TPPP: variants seen among roughly 807,000 people sequenced by gnomAD.
TPPP encodes tubulin polymerization-promoting protein.
TPPP carries 6 observed loss-of-function variants against 15.5 expected under a neutral mutation model. The ratio of observed to expected loss-of-function variants is 0.39; its 90% CI spans 0.21 to 0.77. The LOEUF is 0.77. Among genes scored for constraint, TPPP ranks in the 30% least tolerant of loss-of-function variants. The pLI, the probability that TPPP is intolerant of heterozygous loss-of-function variation, is 0.42. For synonymous variants in TPPP, 146 were observed against 133.9 expected (o/e 1.09, Z -0.63); for missense variants, 269 against 307.2 (o/e 0.88, Z 0.93).
At chr5:700,654 T>C in the TPPP span, among the ~76,000 whole-genome samples, 116,740 of 151,502 alleles carry the variant, frequency 0.77, 44,503 homozygotes, top group African/African-American at 0.93. Context: ...CCTGCATCCC[T>C]GAATAAGGTT....
In TPPP at chr5:677,744, A is replaced by G; in HGVS notation, c.311+6T>C. On this transcript the variant is annotated splice_donor_region_variant and intron_variant, in intron 2 of 3. Coordinates refer to ENST00000360578, the MANE Select transcript of TPPP (RefSeq NM_007030.3). The stretch of plus-strand genomic sequence containing the variant: ...GTCCCTCGGCCCGTGAGCCCAGCGC[A>G]CTCACTTGATCTTGCTGAAGACGAT... 1 of 1,548,430 alleles carries G rather than the reference A, an allele frequency of 6.5e-7. No homozygotes were observed. Among genetic ancestry groups the G allele is most frequent in the Non-Finnish European group, 8.7e-7 (1 of 1,145,390 alleles).
At position 683,681 on chromosome 5, in the gene TPPP, G is replaced by A. The variant is rs537676177; in HGVS notation, c.-4-5617C>T. Among the ~76,000 whole-genome samples the A allele has an allele frequency of 5.1e-4, 77 of 152,372 alleles. 1 individual carries two copies. The highest frequency in any genetic ancestry group is 1.6e-3 in the African/African-American group (68 of 41,596). On this transcript the variant is annotated intron_variant, in intron 1 of 3. Transcript: ENST00000360578. Reference sequence around the variant, plus strand: ...CCCTCAGGGCACTGGCATCCAGGGAGCTGTGAAGGGCACGCTGTGTTGCAA... The same window carrying A: ...CCCTCAGGGCACTGGCATCCAGGGAACTGTGAAGGGCACGCTGTGTTGCAA...
chr5:699,225 T>C, the TPPP span, among the ~76,000 whole-genome samples: 2 of 152,076 alleles, frequency 1.3e-5, no homozygotes, highest in Admixed American at 1.3e-4. Context: ...TCACATTACC[T>C]GACTTCAAAT....
chr5:694,168 C>T (rs1367114948), upstream of TPPP, among the ~76,000 whole-genome samples: 3 of 151,102 alleles, frequency 2.0e-5, no homozygotes, highest in Admixed American at 2.0e-4. Flanking sequence ...GCTCCCCAGA[C>T]AGGCTTTGCG....
At position 665,216 on chromosome 5, in the gene TPPP, G is replaced by A. The variant is rs1739845479; in HGVS notation, c.546C>T (p.Pro182=). The change falls in exon 4 of 4, where the codon CCC becomes CCT. Residue 182 remains proline, a synonymous_variant. Coordinates refer to ENST00000360578, the MANE Select transcript of TPPP (RefSeq NM_007030.3). ...FTGSHKERFD[P]SGKGKGKAGR... is the part of the protein sequence containing the mutation. Reference sequence around the variant, plus strand: ...CAGCCTTGCCCTTGCCCTTGCCAGAGGGGTCGAAGCGCTCCTTGTGGGAGC... The same window carrying A: ...CAGCCTTGCCCTTGCCCTTGCCAGAAGGGTCGAAGCGCTCCTTGTGGGAGC... 6.2e-7 allele frequency: 1 copy of A among 1,613,794 alleles called. No homozygotes were observed. Among genetic ancestry groups the A allele is most frequent in the Non-Finnish European group, 8.5e-7 (1 of 1,179,980 alleles).
intron 2 of TPPP, among the ~76,000 whole-genome samples, chr5:670,173 G>A (rs997871842): frequency 5.3e-5 from 8 of 152,278 alleles, no homozygotes; most frequent in East Asian, 1.9e-4. Context: ...ACAGCCCTCC[G>A]AGGACTGAGG....
At chr5:697,963 G>A (rs1741044576), upstream of TPPP, among the ~76,000 whole-genome samples, 1 of 143,838 alleles carries the variant, frequency 7.0e-6, no homozygotes, top group African/African-American at 2.6e-5. Context: ...GAACCCAACA[G>A]CACATCAAAA....
intron 2 of TPPP, among the ~76,000 whole-genome samples, chr5:669,800 G>A (rs540342426): frequency 2.9e-4 from 44 of 152,150 alleles, no homozygotes; most frequent in South Asian, 1.9e-3. Context: ...CAGGAGACCC[G>A]GGTGCCCCCC....
At chr5:683,478 T>C (rs564866129) in intron 1 of TPPP, among the ~76,000 whole-genome samples, 1 of 152,332 alleles carries the variant, frequency 6.6e-6, no homozygotes, top group East Asian at 1.9e-4. Context: ...CCTGGAGAAC[T>C]CCCTGTTCAG....
At chr5:687,273 C>T (rs1740791420) in intron 1 of TPPP, among the ~76,000 whole-genome samples, 1 of 139,382 alleles carries the variant, frequency 7.2e-6, no homozygotes, top group Non-Finnish European at 1.6e-5. Flanking sequence ...TGTCAATTGT[C>T]AGAAGCCTCT....
chr5:670,692 C>T (rs1342337816), intron 2 of TPPP, among the ~76,000 whole-genome samples: 2 of 152,172 alleles, frequency 1.3e-5, no homozygotes, highest in Non-Finnish European at 2.9e-5. Flanking sequence ...GGTCCCGTTC[C>T]AGCAGGACCC....
rs76794792 is a variant in TPPP, at chr5:668,219, A to G, written c.312-2096T>C. ...GTCAGGGAAGTACCGACAAGCACAC[A>G]GAGAGGGGGCCGTGTGGGCGCCGTC... On this transcript the variant is annotated intron_variant, in intron 2 of 3. Transcript: ENST00000360578. Among the ~76,000 whole-genome samples the G allele has an allele frequency of 3.7e-3, 168 of 45,774 alleles. 4 individuals carry two copies. The highest frequency in any genetic ancestry group is 0.013 in the African/African-American group (134 of 10,526). 30.0% of individuals were successfully genotyped at this position (45,774 alleles called of 152,430 possible). A position where few individuals can be genotyped will look rare whatever the true frequency, so the allele number is the denominator to read the frequency against.
At chr5:700,280 A>G in the TPPP span, among the ~76,000 whole-genome samples, 1 of 152,150 alleles carries the variant, frequency 6.6e-6, no homozygotes, top group African/African-American at 2.4e-5. Context: ...GAATGAAATC[A>G]TATCTTTTGA....
chr5:679,566 T>G (rs1740565723), intron 1 of TPPP, among the ~76,000 whole-genome samples: 1 of 152,094 alleles, frequency 6.6e-6, no homozygotes, highest in Non-Finnish European at 1.5e-5. Flanking sequence ...CCTGGGCCTC[T>G]GCAGCAGGGG....
intron 1 of TPPP, among the ~76,000 whole-genome samples, chr5:683,295 A>T (rs796797301): frequency 1.8e-4 from 11 of 62,706 alleles, no homozygotes; most frequent in East Asian, 7.8e-4. Context: ...GGAGAAAGAC[A>T]CTCTGATGGC....
intron 2 of TPPP, among the ~76,000 whole-genome samples, chr5:676,783 GAC>G (rs903526781): frequency 2.0e-5 from 3 of 152,120 alleles, no homozygotes; most frequent in Admixed American, 6.5e-5. Context: ...GTGCACACAT[GAC>G]ACAGAAACGC....
At chr5:683,185 C>T (rs145843311) in intron 1 of TPPP, among the ~76,000 whole-genome samples, 17 of 152,310 alleles carry the variant, frequency 1.1e-4, no homozygotes, top group Non-Finnish European at 2.4e-4. Flanking sequence ...GCTGCTTGTG[C>T]CTCAGTCTCC....
Position 670,469 on chromosome 5 carries a change from C to T in TPPP, c.312-4346G>A, listed in dbSNP as rs372064859. On this transcript the variant is annotated intron_variant, in intron 2 of 3. Coordinates refer to ENST00000360578, the MANE Select transcript of TPPP (RefSeq NM_007030.3). ...AGGCGAGTCTGAGAGAGAGGGGCTG[C>T]GGCTCCCCCAGGGCACCAACCTCTG... 7.9e-5 allele frequency among the ~76,000 whole-genome samples: 12 copies of T among 152,156 alleles called. 1 individual carries two copies. In the South Asian group the frequency reaches 8.3e-4, roughly 11 times the overall value.
At chr5:672,990 C>T (rs2126887434) in intron 2 of TPPP, among the ~76,000 whole-genome samples, 1 of 152,314 alleles carries the variant, frequency 6.6e-6, no homozygotes, top group African/African-American at 2.4e-5. Context: ...GCCATGGCAA[C>T]CTGCCCTGAA....
Sources: allele counts gnomAD v4.1 joint callset (sites outside exome capture counted in the v4.1 genomes callset), GRCh38; gene constraint gnomAD v4.1.1; transcripts MANE v1.5; gene names NCBI Gene and HGNC (gene_info 2026-07-23, HGNC 2026-07-21).